ALPK2: variants seen among roughly 807,000 people sequenced by gnomAD.
ALPK2 encodes alpha kinase 2, also known as alpha-protein kinase 2.
A neutral mutation model predicts 163.1 loss-of-function variants in ALPK2; 127 were observed. That is an observed-to-expected ratio of 0.78 (90% CI 0.67 to 0.90). ALPK2 has a LOEUF of 0.90. ALPK2 is among the 40% of genes least tolerant of loss of function. The pLI is 0.00. For synonymous variants in ALPK2, 953 were observed against 959.1 expected, an observed-to-expected ratio of 0.99 and a Z score of 0.12; for missense variants, 2,360 against 2,589.6, an observed-to-expected ratio of 0.91 and a Z score of 1.92.
chr18:58,481,827 G>T lies in ALPK2; in HGVS notation c.6509C>A (p.Thr2170Asn). The change falls in exon 13 of 13, where the codon ACC (threonine) becomes AAC (asparagine). Residue 2170 changes from threonine (T) to asparagine (N), a missense_variant. By Grantham distance (65) the Thr-to-Asn change is moderately conservative. Coordinates refer to ENST00000361673, the MANE Select transcript of ALPK2 (RefSeq NM_052947.4). ...CCATTAGGTTACCCAGGGACGTTAGGTTTTCTTTTCGCCTGGGGTCTCAGG... is the reference window on the plus strand; with the variant it reads ...CCATTAGGTTACCCAGGGACGTTAGTTTTTCTTTTCGCCTGGGGTCTCAGG... The part of the protein sequence containing the change: ...AGPETPGEKK[T>N] 3 of 1,613,676 alleles carry T rather than the reference G, an allele frequency of 1.9e-6. No individual in the cohort carries two copies. The highest frequency in any genetic ancestry group is 2.5e-6 in the Non-Finnish European group (3 of 1,179,746).
At chr18:58,565,267 A>G (rs537419952) in intron 4 of ALPK2, among the ~76,000 whole-genome samples, 2 of 152,362 alleles carry the variant, frequency 1.3e-5, no homozygotes, top group African/African-American at 2.4e-5. Context: ...AAGAGTCGAT[A>G]TTGAGAAGTG....
At chr18:58,531,870 G>T (rs1568076171) in intron 5 of ALPK2, among the ~76,000 whole-genome samples, 1 of 140,772 alleles carries the variant, frequency 7.1e-6, no homozygotes, top group Non-Finnish European at 1.5e-5. Context: ...CCAGGAGGTG[G>T]AGGTTGTAGT....
Position 58,579,048 on chromosome 18 carries a change from G to A in ALPK2, c.1728C>T (p.Thr576=). The A allele has an allele frequency of 1.2e-6, 2 of 1,614,202 alleles. No individual in the cohort carries two copies. Among genetic ancestry groups the A allele is most frequent in the Non-Finnish European group, 1.7e-6 (2 of 1,180,044 alleles). ...SAKESAEPPL[T]QSDKRETSHT... ...GAGAAGTCTCTCTTTTATCACTCTG[G>A]GTTAGTGGGGGCTCAGCAGATTCTT... Residue 576 remains threonine, a synonymous_variant, in exon 4 of 13, where the codon ACC becomes ACT. Transcript: ENST00000361673.
chr18:58,573,346 G>GTATA lies in ALPK2; in HGVS notation c.1962+5464_1962+5467dup, dbSNP rs770735691. On this transcript the variant is annotated intron_variant, in intron 4 of 12. Coordinates refer to ENST00000361673, the MANE Select transcript of ALPK2 (RefSeq NM_052947.4). ...TATATGTATATATGTGTATATATAT[G>GTATA]TATATATATATGTGTGTGTATATAT... Among the ~76,000 whole-genome samples, 14 of 135,660 alleles carry GTATA rather than the reference G, an allele frequency of 1.0e-4. No individual in the cohort carries two copies. The East Asian group carries it at 1.2e-3, about 12-fold the overall frequency. 89.0% of individuals were successfully genotyped at this position (135,660 alleles called of 152,430 possible). A position where few individuals can be genotyped will look rare whatever the true frequency, so the allele number is the denominator to read the frequency against.
intron 10 of ALPK2, 44 bp from the exon 11 acceptor site, chr18:58,504,192 G>C: frequency 6.6e-7 from 1 of 1,510,950 alleles, no homozygotes; most frequent in Non-Finnish European, 9.2e-7. Context: ...GTCTCTACTG[G>C]GAAGAGAGGC....
rs745812070 is a variant in ALPK2, at chr18:58,578,734, A to ACACACACACGCGCGCGCGCGCG, written c.1962+79_1962+80insCGCGCGCGCGCGCGTGTGTGTG. The ACACACACACGCGCGCGCGCGCG allele has an allele frequency of 6.7e-3, 2,646 of 396,310 alleles. 49 individuals are homozygous for ACACACACACGCGCGCGCGCGCG. In the African/African-American group the frequency reaches 0.083, roughly 12 times the overall value. 24.5% of individuals were successfully genotyped at this position (396,310 alleles called of 1,614,324 possible). On this transcript the variant is annotated intron_variant, in intron 4 of 12. Coordinates refer to ENST00000361673, the MANE Select transcript of ALPK2 (RefSeq NM_052947.4). ...TTGTGAATGTGAAGTAAAGGAAGAG[A>ACACACACACGCGCGCGCGCGCG]CACACACACACACACACACACACAC...
At chr18:58,538,975 A>C (rs1260981516) in intron 4 of ALPK2, among the ~76,000 whole-genome samples, 1 of 151,916 alleles carries the variant, frequency 6.6e-6, no homozygotes, top group Non-Finnish European at 1.5e-5. Flanking sequence ...AGTTGGAAGC[A>C]GACTGAGGCC....
At chr18:58,496,663 C>T (rs886832796) in intron 12 of ALPK2, among the ~76,000 whole-genome samples, 5 of 152,310 alleles carry the variant, frequency 3.3e-5, no homozygotes, top group African/African-American at 4.8e-5. Context: ...AAAGCTCCCA[C>T]GGATAAGTTG....
intron 1 of ALPK2, among the ~76,000 whole-genome samples, chr18:58,621,664 C>T (rs1318191116): frequency 2.0e-5 from 3 of 152,038 alleles, no homozygotes; most frequent in African/African-American, 4.8e-5. Flanking sequence ...TAGAAATACA[C>T]GAGAAAGCAG....
At chr18:58,523,436 G>A (rs959756552) in intron 8 of ALPK2, among the ~76,000 whole-genome samples, 2 of 152,116 alleles carry the variant, frequency 1.3e-5, no homozygotes, top group Non-Finnish European at 2.9e-5. Context: ...ACCCAGTAAT[G>A]GGATGGCTGG....
At chr18:58,482,802 T>C (rs2051318411) in intron 12 of ALPK2, among the ~76,000 whole-genome samples, 1 of 152,202 alleles carries the variant, frequency 6.6e-6, no homozygotes, top group South Asian at 2.1e-4. Flanking sequence ...TATGGTAGGT[T>C]AGTGTGCTCC....
intron 6 of ALPK2, among the ~76,000 whole-genome samples, chr18:58,526,208 A>G (rs2051584085): frequency 6.6e-6 from 1 of 152,198 alleles, no homozygotes; most frequent in Non-Finnish European, 1.5e-5. Flanking sequence ...TGTGCAGACA[A>G]ATGCAAAAGA....
chr18:58,553,850 G>GTTTTTTTTTTTTTT (rs71173061), intron 4 of ALPK2, among the ~76,000 whole-genome samples: 6 of 73,994 alleles, frequency 8.1e-5, no homozygotes, highest in Non-Finnish European at 1.4e-4. Flanking sequence ...TTTTTTTTTG[G>GTTTTTTTTTTTTTT]TTTTTTTTTT....
chr18:58,592,016 A>G (rs756978030), intron 3 of ALPK2, among the ~76,000 whole-genome samples: 1 of 152,224 alleles, frequency 6.6e-6, no homozygotes, highest in Non-Finnish European at 1.5e-5. Context: ...CAAATAAAAT[A>G]GTCATGTAGG....
chr18:58,570,498 C>A (rs541001274), intron 4 of ALPK2, among the ~76,000 whole-genome samples: 5 of 152,246 alleles, frequency 3.3e-5, no homozygotes, highest in Non-Finnish European at 7.3e-5. Context: ...CAGCTCAAAT[C>A]TGCTTAGCAT....
At chr18:58,594,459 C>A (rs976293966) in intron 3 of ALPK2, among the ~76,000 whole-genome samples, 1 of 152,110 alleles carries the variant, frequency 6.6e-6, no homozygotes, top group Admixed American at 6.5e-5. Context: ...TGACAATATA[C>A]CAAAACAATC....
chr18:58,625,179 C>G (rs1331868364), intron 1 of ALPK2, among the ~76,000 whole-genome samples: 2 of 150,980 alleles, frequency 1.3e-5, no homozygotes, highest in African/African-American at 2.5e-5. Context: ...CCCTGATACC[C>G]TCAGCTGAAA....
chr18:58,566,720 T>C (rs1471111468), intron 4 of ALPK2: 1 of 152,218 alleles, frequency 6.6e-6, no homozygotes, highest in Non-Finnish European at 1.5e-5. Flanking sequence ...GATCTGTACT[T>C]ATTTCAGTTC....
At chr18:58,503,902 T>C (rs1602189498) in intron 11 of ALPK2, 29 bp downstream of exon 11, 1 of 1,585,156 alleles carries the variant, frequency 6.3e-7, no homozygotes. Context: ...ACAGCATCCC[T>C]GGAGCCTGGG....
Sources: gnomAD v4.1 joint callset for allele counts (sites outside exome capture counted in the v4.1 genomes callset) on GRCh38, gnomAD v4.1.1 for gene constraint, MANE v1.5 for transcripts, NCBI Gene and HGNC (gene_info 2026-07-23, HGNC 2026-07-21) for gene names.